Variants in ALKBH5 observed in about 807,000 individuals in gnomAD.
The protein encoded by ALKBH5 is RNA demethylase ALKBH5.
Under a neutral mutation model 32.1 loss-of-function variants are expected in ALKBH5, and 2 were observed. That is an observed-to-expected ratio of 0.06 (90% CI 0.03 to 0.20). The LOEUF is 0.20. Ranked by LOEUF, ALKBH5 falls within the 10% of genes least tolerant of loss-of-function variation. The probability of loss-of-function intolerance (pLI) is 1.00; values close to 1 mark genes in which losing one functional copy is unlikely to be tolerated. For missense variants in ALKBH5, 352 were observed against 559.5 expected (o/e 0.63, Z 3.74); for synonymous variants, 300 against 231.7 (o/e 1.29, Z -2.68).
At chr17:18,195,578 C>T (rs995469826) in intron 2 of ALKBH5, among the ~76,000 whole-genome samples, 1 of 152,214 alleles carries the variant, frequency 6.6e-6, no homozygotes, top group Non-Finnish European at 1.5e-5. Context: ...ACAAACCTGG[C>T]TTCACCAGCA....
Position 18,183,883 on chromosome 17 carries a change from C to G in ALKBH5, c.-361C>G. On this transcript the variant is annotated 5_prime_UTR_variant, in exon 1 of 4. Transcript: ENST00000399138. ...ACGTCGGGCTGGCTGCCCGTGACGT[C>G]GTGCGGAGAGCTTTAAAGTGCGGGC... 1 of 407,830 alleles carries G rather than the reference C, an allele frequency of 2.5e-6. No individual in the cohort carries two copies. Among genetic ancestry groups the G allele is most frequent in the Non-Finnish European group, 4.6e-6 (1 of 215,328 alleles). 25.3% of individuals were successfully genotyped at this position (407,830 alleles called of 1,614,324 possible).
chr17:18,198,789 G>C (rs921719095), intron 2 of ALKBH5, among the ~76,000 whole-genome samples: 2 of 152,188 alleles, frequency 1.3e-5, no homozygotes, highest in Admixed American at 1.3e-4. Context: ...GAACATGGGT[G>C]GTGCCAAGTC....
At chr17:18,198,719 G>A (rs1027539201) in intron 2 of ALKBH5, among the ~76,000 whole-genome samples, 10 of 152,220 alleles carry the variant, frequency 6.6e-5, no homozygotes, top group Non-Finnish European at 1.3e-4. Flanking sequence ...AGGGCCTCAC[G>A]GAAGGAAATG....
At position 18,209,530 on chromosome 17, in the gene ALKBH5, GGAAA is replaced by G. The variant is rs1049558628; in HGVS notation, c.*1135_*1138del. On this transcript the variant is annotated 3_prime_UTR_variant, in exon 4 of 4. Coordinates refer to ENST00000399138, the MANE Select transcript of ALKBH5 (RefSeq NM_017758.4). Reference sequence around the variant, plus strand: ...TGAAGGGGCTTTCAAAAAATAATAAGGAAAAAAAGGTAAAGTCTTTGGTAGCTTC... The same window carrying G: ...TGAAGGGGCTTTCAAAAAATAATAAGAAAAGGTAAAGTCTTTGGTAGCTTC... 6.6e-6 allele frequency: 1 copy of G among 151,492 alleles called. No individual in the cohort carries two copies. The highest frequency in any genetic ancestry group is 2.4e-5 in the African/African-American group (1 of 41,092). 9.4% of individuals were successfully genotyped at this position (151,492 alleles called of 1,614,324 possible).
intron 2 of ALKBH5, 37 bp downstream of exon 2, chr17:18,195,072 C>T (rs1375957899): frequency 6.3e-7 from 1 of 1,578,460 alleles, no homozygotes. Context: ...GCCTCACCTG[C>T]AGGCCTGTCT....
At chr17:18,185,308 T>C (rs1324381787) in intron 1 of ALKBH5, among the ~76,000 whole-genome samples, 2 of 152,232 alleles carry the variant, frequency 1.3e-5, no homozygotes, top group Non-Finnish European at 2.9e-5. Context: ...ATTTTTTTTT[T>C]TCCCACCATC....
At chr17:18,207,662 CA>C (rs373133447) in intron 3 of ALKBH5, among the ~76,000 whole-genome samples, 34,029 of 134,920 alleles carry the variant, frequency 0.25, 4,253 homozygotes, top group African/African-American at 0.36. Context: ...GAATCCGTCT[CA>C]AAAAAAAAAA....
intron 2 of ALKBH5, among the ~76,000 whole-genome samples, chr17:18,196,540 T>C (rs1018236453): frequency 1.1e-4 from 16 of 152,200 alleles, no homozygotes; most frequent in African/African-American, 3.4e-4. Flanking sequence ...CTTGATGATA[T>C]TGACTGGTTA....
intron 1 of ALKBH5, among the ~76,000 whole-genome samples, chr17:18,190,085 C>G (rs2047164634): frequency 6.6e-6 from 1 of 152,218 alleles, no homozygotes; most frequent in African/African-American, 2.4e-5. Flanking sequence ...TGGAGAGAGA[C>G]AGTCACCAGG....
chr17:18,200,057 A>G (rs1053439820), intron 2 of ALKBH5, among the ~76,000 whole-genome samples: 4 of 149,100 alleles, frequency 2.7e-5, no homozygotes, highest in Non-Finnish European at 5.9e-5. Flanking sequence ...AGATTGTACC[A>G]TTGCACTCCA....
At chr17:18,193,408 G>A (rs189055249) in intron 1 of ALKBH5, among the ~76,000 whole-genome samples, 6 of 152,040 alleles carry the variant, frequency 3.9e-5, no homozygotes, top group East Asian at 1.9e-4. Flanking sequence ...TTAGACAGGC[G>A]TGGTGGGGTG....
chr17:18,196,458 T>C (rs2047205096), intron 2 of ALKBH5, among the ~76,000 whole-genome samples: 1 of 152,206 alleles, frequency 6.6e-6, no homozygotes, highest in African/African-American at 2.4e-5. Flanking sequence ...CAACCTCAAG[T>C]GGTTCACCTG....
At chr17:18,200,417 A>G (rs2047229877) in intron 2 of ALKBH5, among the ~76,000 whole-genome samples, 1 of 152,144 alleles carries the variant, frequency 6.6e-6, no homozygotes, top group African/African-American at 2.4e-5. Context: ...TGTATTCTTG[A>G]GATTGGTACT....
At chr17:18,204,502 C>A (rs1490913586) in intron 2 of ALKBH5, among the ~76,000 whole-genome samples, 1 of 151,736 alleles carries the variant, frequency 6.6e-6, no homozygotes, top group Non-Finnish European at 1.5e-5. Flanking sequence ...TGGCTCAGGC[C>A]CATAATCCTA....
intron 3 of ALKBH5, among the ~76,000 whole-genome samples, chr17:18,207,321 A>G (rs1349406538): frequency 6.6e-6 from 1 of 152,168 alleles, no homozygotes; most frequent in African/African-American, 2.4e-5. Context: ...ACTTATTTCA[A>G]AAAGGATTGG....
At position 18,185,083 on chromosome 17, in the gene ALKBH5, A is replaced by G. The variant is rs868094334; in HGVS notation, c.770+70A>G. 8.7e-5 allele frequency: 135 copies of G among 1,554,318 alleles called. 3 individuals are homozygous for G. In the Middle Eastern group the frequency reaches 2.6e-3, roughly 30 times the overall value. On this transcript the variant is annotated intron_variant, in intron 1 of 3. Transcript: ENST00000399138. ...AGCTACCCACCCTGGCCCAGAAAGC[A>G]GCAGCCCGTAGGAGTCTGCGTTTTT... is the stretch of plus-strand genomic sequence containing the variant.
intron 1 of ALKBH5, among the ~76,000 whole-genome samples, chr17:18,186,293 A>G (rs1048941090): frequency 6.6e-6 from 1 of 152,324 alleles, no homozygotes; most frequent in African/African-American, 2.4e-5. Flanking sequence ...TGAGCTTCTC[A>G]GATCTTCATG....
chr17:18,204,608 A>C (rs1036506287), intron 2 of ALKBH5, among the ~76,000 whole-genome samples: 34 of 152,092 alleles, frequency 2.2e-4, no homozygotes, highest in African/African-American at 7.7e-4. Flanking sequence ...CTGAAAATAT[A>C]AAAATTAGCC....
In ALKBH5 at chr17:18,184,109, G is replaced by A. The variant is rs983598942; in HGVS notation, c.-135G>A. On this transcript the variant is annotated 5_prime_UTR_variant, in exon 1 of 4. Coordinates refer to ENST00000399138, the MANE Select transcript of ALKBH5 (RefSeq NM_017758.4). ...GCCCGGACCCTCGACGCCCCCCGCC[G>A]GGTCCCCCACTCACGCATGGGGGTT... 8.6e-6 allele frequency: 7 copies of A among 813,044 alleles called. No individual in the cohort carries two copies. The African/African-American group carries it at 1.3e-4, about 15-fold the overall frequency. The allele number at this position is 813,044 out of a possible 1,614,324, so 50.4% of individuals were successfully genotyped here. A position where few individuals can be genotyped will look rare whatever the true frequency, so the allele number is the denominator to read the frequency against.
Sources: allele counts gnomAD v4.1 joint callset (sites outside exome capture counted in the v4.1 genomes callset), GRCh38; gene constraint gnomAD v4.1.1; transcripts MANE v1.5; gene names NCBI Gene and HGNC (gene_info 2026-07-23, HGNC 2026-07-21).